Variants in EBF1 observed in about 807,000 individuals in gnomAD.
EBF1 encodes the protein transcription factor COE1.
EBF1 carries 10 observed loss-of-function variants against 68.4 expected under a neutral mutation model. The ratio of observed to expected loss-of-function variants is 0.15; its 90% CI spans 0.09 to 0.25. The LOEUF (loss-of-function observed/expected upper bound fraction) is 0.25. Ranked by LOEUF, EBF1 falls within the 10% of genes least tolerant of loss-of-function variation. The probability of loss-of-function intolerance (pLI) is 1.00; values close to 1 mark genes in which losing one functional copy is unlikely to be tolerated. For synonymous variants in EBF1, 298 were observed against 299.8 expected, an observed-to-expected ratio of 0.99 and a Z score of 0.06; for missense variants, 509 against 794.4, an observed-to-expected ratio of 0.64 and a Z score of 4.32.
At chr5:158,782,395 A>T (rs1776605672) in intron 9 of EBF1, among the ~76,000 whole-genome samples, 1 of 152,158 alleles carries the variant, frequency 6.6e-6, no homozygotes, top group South Asian at 2.1e-4. Context: ...GTGGTGGCTC[A>T]CATCTGTAAT....
intron 8 of EBF1, among the ~76,000 whole-genome samples, chr5:158,820,265 G>A (rs543051573): frequency 1.2e-4 from 18 of 152,188 alleles, no homozygotes; most frequent in African/African-American, 3.9e-4. Flanking sequence ...GTTTGAAGGC[G>A]GTGGGGGGTG....
At chr5:158,799,560 G>C (rs1298325210) in intron 8 of EBF1, among the ~76,000 whole-genome samples, 1 of 152,196 alleles carries the variant, frequency 6.6e-6, no homozygotes, top group Non-Finnish European at 1.5e-5. Flanking sequence ...ACCAGCAAAA[G>C]AGAATCAGGC....
chr5:158,801,157 C>T (rs1035822172), intron 8 of EBF1, among the ~76,000 whole-genome samples: 2 of 152,014 alleles, frequency 1.3e-5, no homozygotes, highest in African/African-American at 2.4e-5. Context: ...CATGATTACC[C>T]TACCACAGTT....
At chr5:158,904,187 C>T (rs1804058673) in intron 6 of EBF1, among the ~76,000 whole-genome samples, 1 of 152,168 alleles carries the variant, frequency 6.6e-6, no homozygotes, top group African/African-American at 2.4e-5. Context: ...CCTGTGCCTT[C>T]TGGAGCCTCA....
intron 6 of EBF1, among the ~76,000 whole-genome samples, chr5:158,935,629 A>G (rs1004730987): frequency 2.0e-5 from 3 of 152,234 alleles, no homozygotes; most frequent in African/African-American, 7.2e-5. Context: ...AAGACAAACT[A>G]ACATGATTAT....
chr5:158,792,253 G>A (rs949952214), intron 9 of EBF1, among the ~76,000 whole-genome samples: 11 of 152,120 alleles, frequency 7.2e-5, no homozygotes, highest in East Asian at 1.9e-4. Flanking sequence ...AGGAGAAATC[G>A]CAAGAAACAA....
intron 6 of EBF1, among the ~76,000 whole-genome samples, chr5:158,974,733 T>C (rs1005621919): frequency 6.6e-6 from 1 of 152,200 alleles, no homozygotes; most frequent in African/African-American, 2.4e-5. Context: ...TAAATCCATA[T>C]TTGAGACTTT....
rs970507434 is a variant in EBF1 at position 159,054,431 on chromosome 5, G to T, written c.554+18965C>A. ...TTTAAAAAATAGAGAGAGAGATCTGGTTCCCATCCTGGACAAAGTTTTCTG... is the reference window on the plus strand; with the variant it reads ...TTTAAAAAATAGAGAGAGAGATCTGTTTCCCATCCTGGACAAAGTTTTCTG... On this transcript the variant is annotated intron_variant, in intron 6 of 15. Transcript: ENST00000313708. Among the ~76,000 whole-genome samples, 112 of 152,140 alleles carry T rather than the reference G, an allele frequency of 7.4e-4. 1 individual carries two copies. The highest frequency in any genetic ancestry group is 2.5e-3 in the African/African-American group (105 of 41,500).
chr5:158,725,176 T>C (rs1762743035), intron 11 of EBF1, among the ~76,000 whole-genome samples: 1 of 152,110 alleles, frequency 6.6e-6, no homozygotes, highest in African/African-American at 2.4e-5. Flanking sequence ...AAGCCTTGAG[T>C]TCCTTCACGG....
At chr5:159,097,831 G>A (rs1782921047) in intron 1 of EBF1, among the ~76,000 whole-genome samples, 1 of 152,226 alleles carries the variant, frequency 6.6e-6, no homozygotes. Flanking sequence ...TAAAGGCCAG[G>A]GCTGCTGGCT....
At chr5:158,806,951 C>T (rs1781701241) in intron 8 of EBF1, among the ~76,000 whole-genome samples, 1 of 152,164 alleles carries the variant, frequency 6.6e-6, no homozygotes. Context: ...CAGCTATTTA[C>T]ATTTAATTTT....
intron 6 of EBF1, among the ~76,000 whole-genome samples, chr5:158,882,143 G>A (rs1357241228): frequency 6.6e-6 from 1 of 152,162 alleles, no homozygotes; most frequent in African/African-American, 2.4e-5. Flanking sequence ...AACCTACTGT[G>A]CAAGGATTTT....
At chr5:158,770,708 T>A (rs1773696852) in intron 10 of EBF1, among the ~76,000 whole-genome samples, 1 of 152,056 alleles carries the variant, frequency 6.6e-6, no homozygotes, top group Admixed American at 6.6e-5. Flanking sequence ...CCTAACCCCA[T>A]GCTACCCCCA....
chr5:158,963,619 T>G (rs1055178235), intron 6 of EBF1, among the ~76,000 whole-genome samples: 1 of 152,192 alleles, frequency 6.6e-6, no homozygotes, highest in Non-Finnish European at 1.5e-5. Context: ...AAGGTGCTAC[T>G]AGGGAAGCTG....
At chr5:158,894,549 C>T (rs1801810164) in intron 6 of EBF1, among the ~76,000 whole-genome samples, 1 of 152,098 alleles carries the variant, frequency 6.6e-6, no homozygotes, top group Non-Finnish European at 1.5e-5. Flanking sequence ...AAAAAGGTCC[C>T]AATTACTTGC....
intron 6 of EBF1, among the ~76,000 whole-genome samples, chr5:158,962,967 C>T (rs887239226): frequency 1.3e-5 from 2 of 152,176 alleles, no homozygotes; most frequent in Admixed American, 1.3e-4. Context: ...ATAGACAGAC[C>T]ACTATTTACC....
intron 10 of EBF1, among the ~76,000 whole-genome samples, chr5:158,735,305 C>T (rs1308520575): frequency 1.3e-5 from 2 of 152,126 alleles, no homozygotes; most frequent in African/African-American, 4.8e-5. Flanking sequence ...GGTCACAATA[C>T]ACTTAATGGG....
At chr5:158,875,084 C>T (rs1160178515) in intron 6 of EBF1, among the ~76,000 whole-genome samples, 1 of 151,656 alleles carries the variant, frequency 6.6e-6, no homozygotes, top group Non-Finnish European at 1.5e-5. Context: ...CACACACACA[C>T]ACACCAGGCA....
At chr5:159,008,407 G>C (rs1763981491) in intron 6 of EBF1, among the ~76,000 whole-genome samples, 2 of 151,800 alleles carry the variant, frequency 1.3e-5, no homozygotes. Flanking sequence ...TGAGGAGACT[G>C]ATATGAAAGA....
Sources: gnomAD v4.1 joint callset for allele counts (sites outside exome capture counted in the v4.1 genomes callset) on GRCh38, gnomAD v4.1.1 for gene constraint, MANE v1.5 for transcripts, NCBI Gene and HGNC (gene_info 2026-07-23, HGNC 2026-07-21) for gene names.